Variants in PCDHA9 observed in about 807,000 individuals in gnomAD.
PCDHA9 encodes protocadherin alpha 9.
A neutral mutation model predicts 62.0 loss-of-function variants in PCDHA9; 62 were observed. The observed-to-expected ratio is 1.00, with a 90% confidence interval of 0.81 to 1.23. The LOEUF is 1.23. Among genes scored for constraint, PCDHA9 ranks in the 50% most tolerant of loss-of-function variants. The pLI, the probability that PCDHA9 is intolerant of heterozygous loss-of-function variation, is 0.00. For missense variants in PCDHA9, 1,205 were observed against 1,249.8 expected, an observed-to-expected ratio of 0.96 and a Z score of 0.54; for synonymous variants, 557 against 567.6, an observed-to-expected ratio of 0.98 and a Z score of 0.27.
chr5:141,009,544 C>A (rs1236431515), intron 3 of PCDHA9, 83 bp from the exon 4 acceptor site: 1 of 1,534,390 alleles, frequency 6.5e-7, no homozygotes. Context: ...CCTGCCTATG[C>A]AGTACTCCTG....
At chr5:140,933,047 A>G (rs1482395906) in intron 1 of PCDHA9, among the ~76,000 whole-genome samples, 2 of 152,030 alleles carry the variant, frequency 1.3e-5, no homozygotes, top group Non-Finnish European at 1.5e-5. Flanking sequence ...TATGGATTAC[A>G]GTCCAGGATC....
At chr5:140,856,225 G>A (rs1554148421) in intron 1 of PCDHA9, 1 of 1,598,066 alleles carries the variant, frequency 6.3e-7, no homozygotes, top group Non-Finnish European at 8.6e-7. Context: ...CGGAGCTGGT[G>A]CAGCGCCTGT....
At chr5:140,886,515 G>C (rs1554182564) in intron 1 of PCDHA9, among the ~76,000 whole-genome samples, 1 of 151,972 alleles carries the variant, frequency 6.6e-6, no homozygotes, top group East Asian at 1.9e-4. Context: ...TGGATTTTAA[G>C]GTCTGCATAT....
chr5:140,887,537 C>T (rs530539711), intron 1 of PCDHA9, among the ~76,000 whole-genome samples: 5 of 152,250 alleles, frequency 3.3e-5, no homozygotes, highest in Admixed American at 1.3e-4. Context: ...TTCCTCTCCC[C>T]ACCCCTCATG....
intron 1 of PCDHA9, chr5:140,863,734 C>A: frequency 3.9e-6 from 1 of 256,490 alleles, no homozygotes; most frequent in Non-Finnish European, 7.7e-6. Flanking sequence ...GTAGCTCATG[C>A]CTATTTGTAA....
At chr5:140,965,254 T>C (rs2153743153) in intron 1 of PCDHA9, among the ~76,000 whole-genome samples, 1 of 152,302 alleles carries the variant, frequency 6.6e-6, no homozygotes, top group African/African-American at 2.4e-5. Context: ...TATTCAGAAC[T>C]GAGCAGCAGA....
intron 1 of PCDHA9, chr5:140,928,245 A>G: frequency 2.5e-6 from 4 of 1,614,192 alleles, no homozygotes; most frequent in Non-Finnish European, 8.5e-7. Context: ...CCCAGCAGGA[A>G]CTTTTCGTTG....
At position 140,853,823 on chromosome 5, in the gene PCDHA9, T is replaced by C. The variant is rs1332082202; in HGVS notation, c.2394+2934T>C. On this transcript the variant is annotated intron_variant, in intron 1 of 3. Transcript: ENST00000532602. ...TAAAGCACACCTGAGATGATTCTCA[T>C]ACAACCGAAATTTTAGATCCATAGC... 6.3e-5 allele frequency: 62 copies of C among 986,786 alleles called. 2 individuals are homozygous for C. The highest frequency in any genetic ancestry group is 7.3e-5 in the Non-Finnish European group (60 of 818,922). The allele number at this position is 986,786 out of a possible 1,614,324, so 61.1% of individuals were successfully genotyped here. A position where few individuals can be genotyped will look rare whatever the true frequency, so the allele number is the denominator to read the frequency against.
At chr5:140,869,615 G>T in intron 1 of PCDHA9, 2 of 1,613,858 alleles carry the variant, frequency 1.2e-6, no homozygotes, top group Non-Finnish European at 1.7e-6. Flanking sequence ...TTGACCTACA[G>T]GCTAAGTAAA....
At chr5:140,909,470 C>T (rs566835545) in intron 1 of PCDHA9, among the ~76,000 whole-genome samples, 1 of 152,320 alleles carries the variant, frequency 6.6e-6, no homozygotes, top group African/African-American at 2.4e-5. Flanking sequence ...GTCTTCTTCA[C>T]AGGCTAAATA....
chr5:140,917,256 T>C (rs1043140553), intron 1 of PCDHA9, among the ~76,000 whole-genome samples: 6 of 151,524 alleles, frequency 4.0e-5, no homozygotes, highest in African/African-American at 7.3e-5. Context: ...ATTGCTCACC[T>C]GATGTTTGGT....
chr5:140,928,012 A>C, intron 1 of PCDHA9: 2 of 1,614,190 alleles, frequency 1.2e-6, no homozygotes, highest in Non-Finnish European at 1.7e-6. Context: ...TTCTAATGGT[A>C]GGGTCATTTG....
In PCDHA9 at chr5:140,869,244, C is replaced by G. The variant is rs782454826; in HGVS notation, c.2394+18355C>G. 5.6e-6 allele frequency: 9 copies of G among 1,613,658 alleles called. 1 individual carries two copies. In the South Asian group the frequency reaches 7.7e-5, roughly 14 times the overall value. ...CCAAACACGGCACCTTCGTGGGCCG[C>G]ATCGCGCAGGACCTGGGGCTGGAGC... On this transcript the variant is annotated intron_variant, in intron 1 of 3. Coordinates refer to ENST00000532602, the MANE Select transcript of PCDHA9 (RefSeq NM_031857.2).
Position 141,010,123 on chromosome 5 carries a change from A to G in PCDHA9, c.*186A>G, listed in dbSNP as rs782357783. The G allele has an allele frequency of 3.7e-6, 6 of 1,605,822 alleles. No individual in the cohort carries two copies. In the East Asian group the frequency reaches 1.3e-4, roughly 36 times the overall value. On this transcript the variant is annotated 3_prime_UTR_variant, in exon 4 of 4. Transcript: ENST00000532602. ...AGGTTTTGTCGTAAAAGCTTTACTA[A>G]GTCTGGTGTTAACTCTTTCTCTCCA...
At chr5:140,978,240 C>T (rs1290697340) in intron 1 of PCDHA9, among the ~76,000 whole-genome samples, 3 of 152,174 alleles carry the variant, frequency 2.0e-5, no homozygotes, top group African/African-American at 7.2e-5. Context: ...TGGATTTCAG[C>T]TACTCCCTGT....
Position 140,869,807 on chromosome 5 carries a change from T to C in PCDHA9, c.2394+18918T>C, listed in dbSNP as rs545569437. ...CGGCTGTTAGTCCAAGTCTTGGATGTCAACGACAATGATCCAGAGTTTGAT... is the reference window on the plus strand; with the variant it reads ...CGGCTGTTAGTCCAAGTCTTGGATGCCAACGACAATGATCCAGAGTTTGAT... On this transcript the variant is annotated intron_variant, in intron 1 of 3. Transcript: ENST00000532602. 8.1e-6 allele frequency: 13 copies of C among 1,612,544 alleles called. No individual in the cohort carries two copies. In the African/African-American group the frequency reaches 1.6e-4, roughly 20 times the overall value.
At chr5:140,901,284 G>T (rs868936344) in intron 1 of PCDHA9, among the ~76,000 whole-genome samples, 1 of 152,046 alleles carries the variant, frequency 6.6e-6, no homozygotes, top group Admixed American at 6.6e-5. Flanking sequence ...AGAAATTTTT[G>T]CCCAGACTGA....
At position 140,856,335 on chromosome 5, in the gene PCDHA9, G is replaced by C; in HGVS notation, c.2394+5446G>C. ...CGGATTGACCGCGAGGAGCTGTGCG[G>C]GCGGAGCGTGGAGTGCAGCATCCAC... On this transcript the variant is annotated intron_variant, in intron 1 of 3. Transcript: ENST00000532602. 3 of 1,598,610 alleles carry C rather than the reference G, an allele frequency of 1.9e-6. 1 individual carries two copies. The highest frequency in any genetic ancestry group is 2.6e-6 in the Non-Finnish European group (3 of 1,168,024).
chr5:140,960,031 G>A (rs1331929817), intron 1 of PCDHA9, among the ~76,000 whole-genome samples: 4 of 152,220 alleles, frequency 2.6e-5, no homozygotes, highest in African/African-American at 7.2e-5. Flanking sequence ...TGTTAAGTCC[G>A]GCTGTTTATT....
Sources: allele counts gnomAD v4.1 joint callset (sites outside exome capture counted in the v4.1 genomes callset), GRCh38; gene constraint gnomAD v4.1.1; transcripts MANE v1.5; gene names NCBI Gene and HGNC (gene_info 2026-07-23, HGNC 2026-07-21).